Variants in WWOX observed in about 807,000 individuals in gnomAD.
WWOX encodes WW domain containing oxidoreductase.
A neutral mutation model predicts 46.2 loss-of-function variants in WWOX; 69 were observed. The ratio of observed to expected loss-of-function variants is 1.49; its 90% confidence interval spans 1.23 to 1.82. The LOEUF is 1.82. Ranked by LOEUF, WWOX falls within the 40% of genes most tolerant of loss-of-function variation. WWOX has a pLI of 0.00. For synonymous variants in WWOX, 359 were observed against 202.6 expected, an observed-to-expected ratio of 1.77 and a Z score of -6.56; for missense variants, 919 against 542.6, an observed-to-expected ratio of 1.69 and a Z score of -6.89.
chr16:79,042,159 G>A (rs1252445783), intron 8 of WWOX, among the ~76,000 whole-genome samples: 1 of 152,142 alleles, frequency 6.6e-6, no homozygotes, highest in African/African-American at 2.4e-5. Context: ...TTCACAGGTG[G>A]AGGCTCAGAT....
At chr16:79,107,652 T>TAGGCGACATGCACATTTTC (rs1283342029) in intron 8 of WWOX, among the ~76,000 whole-genome samples, 1 of 152,218 alleles carries the variant, frequency 6.6e-6, no homozygotes, top group Admixed American at 6.5e-5. Flanking sequence ...CCCTTCGTAA[T>TAGGCGACATGCACATTTTC]AGGCGACATG....
intron 8 of WWOX, among the ~76,000 whole-genome samples, chr16:79,152,031 T>G (rs778580280): frequency 6.6e-6 from 1 of 152,194 alleles, no homozygotes; most frequent in Non-Finnish European, 1.5e-5. Flanking sequence ...TAAGCAGAAG[T>G]TGGGAATCAT....
At chr16:78,187,561 C>G (rs2035750565) in intron 5 of WWOX, among the ~76,000 whole-genome samples, 1 of 152,176 alleles carries the variant, frequency 6.6e-6, no homozygotes, top group South Asian at 2.1e-4. Flanking sequence ...CGAGATCGCG[C>G]CACTGCACTC....
intron 8 of WWOX, among the ~76,000 whole-genome samples, chr16:78,826,188 C>G (rs2051651784): frequency 6.6e-6 from 1 of 152,190 alleles, no homozygotes; most frequent in African/African-American, 2.4e-5. Context: ...AACCCTGTCT[C>G]TACTAAAAAT....
intron 8 of WWOX, among the ~76,000 whole-genome samples, chr16:78,585,781 G>T (rs1293621997): frequency 6.6e-6 from 1 of 151,660 alleles, no homozygotes; most frequent in East Asian, 1.9e-4. Context: ...CCCCAAGGCA[G>T]GGGGCAGATT....
chr16:78,367,971 G>T (rs958012665), intron 5 of WWOX, among the ~76,000 whole-genome samples: 1 of 151,996 alleles, frequency 6.6e-6, no homozygotes, highest in African/African-American at 2.4e-5. Context: ...TGGTCAGGCT[G>T]GTGTCAAACT....
chr16:78,815,248 C>G (rs1005374948), intron 8 of WWOX, among the ~76,000 whole-genome samples: 3 of 151,836 alleles, frequency 2.0e-5, no homozygotes, highest in Non-Finnish European at 2.9e-5. Flanking sequence ...TTCCTTAAGC[C>G]TCGGAGATGG....
chr16:78,899,755 G>A (rs1200839591), intron 8 of WWOX: 1 of 152,142 alleles, frequency 6.6e-6, no homozygotes, highest in Non-Finnish European at 1.5e-5. Flanking sequence ...GATCCCTGAA[G>A]AATTGTGTGC....
At chr16:78,811,694 T>TACTA (rs1469241230) in intron 8 of WWOX, among the ~76,000 whole-genome samples, 1 of 151,986 alleles carries the variant, frequency 6.6e-6, no homozygotes, top group African/African-American at 2.4e-5. Flanking sequence ...CTTATAAGGC[T>TACTA]ACTAATCCCC....
intron 8 of WWOX, among the ~76,000 whole-genome samples, chr16:78,518,754 G>C (rs1386265613): frequency 1.3e-5 from 2 of 152,174 alleles, no homozygotes; most frequent in Non-Finnish European, 2.9e-5. Context: ...ACCAGAACAA[G>C]GCCAGCTTCC....
At chr16:78,373,364 C>G (rs951248026) in intron 5 of WWOX, among the ~76,000 whole-genome samples, 1 of 152,160 alleles carries the variant, frequency 6.6e-6, no homozygotes, top group African/African-American at 2.4e-5. Flanking sequence ...GTATTGTCCC[C>G]TAGGAACTTA....
intron 5 of WWOX, among the ~76,000 whole-genome samples, chr16:78,379,147 A>G (rs1381092641): frequency 6.6e-6 from 1 of 152,196 alleles, no homozygotes; most frequent in Non-Finnish European, 1.5e-5. Context: ...GAAAACAAGC[A>G]TGTCATCAGT....
chr16:78,436,108 C>T (rs1035339756), intron 8 of WWOX, among the ~76,000 whole-genome samples: 4 of 152,186 alleles, frequency 2.6e-5, no homozygotes, highest in African/African-American at 7.2e-5. Context: ...GTGCCTTTCG[C>T]ATGGGAGGTA....
intron 5 of WWOX, among the ~76,000 whole-genome samples, chr16:78,377,686 T>C (rs1187781840): frequency 6.6e-6 from 1 of 152,202 alleles, no homozygotes; most frequent in Admixed American, 6.5e-5. Flanking sequence ...GGTTTTGGAT[T>C]ATTTTCGCTC....
intron 5 of WWOX, among the ~76,000 whole-genome samples, chr16:78,213,558 A>G (rs2036626555): frequency 6.6e-6 from 1 of 151,902 alleles, no homozygotes. Context: ...TTTTAATGTG[A>G]CTGAGAAAAT....
rs187364215 is a variant in WWOX, at chr16:79,115,746, G to A, written c.1057-95862G>A. 4.9e-3 allele frequency among the ~76,000 whole-genome samples: 742 copies of A among 152,284 alleles called. 7 individuals carry two copies. Among genetic ancestry groups the A allele is most frequent in the African/African-American group, 0.017 (709 of 41,564 alleles). On this transcript the variant is annotated intron_variant, in intron 8 of 8. Transcript: ENST00000566780. ...AAACAGTGATAGGACTGACCTGCGT[G>A]TAGAAGTTTCAAGTTACAAGAAAAA...
chr16:78,218,599 G>A (rs529236223), intron 5 of WWOX, among the ~76,000 whole-genome samples: 17 of 152,190 alleles, frequency 1.1e-4, no homozygotes, highest in African/African-American at 3.9e-4. Flanking sequence ...AAAATGTCAC[G>A]ATAAAGCAGC....
At chr16:78,279,483 A>G (rs1028998920) in intron 5 of WWOX, among the ~76,000 whole-genome samples, 1 of 152,216 alleles carries the variant, frequency 6.6e-6, no homozygotes, top group African/African-American at 2.4e-5. Flanking sequence ...GAGGTTAATT[A>G]TTACCCTAAG....
intron 8 of WWOX, among the ~76,000 whole-genome samples, chr16:78,817,175 T>TTTA (rs2051355089): frequency 8.0e-6 from 1 of 124,610 alleles, no homozygotes; most frequent in Non-Finnish European, 1.7e-5. Flanking sequence ...TGCTATTCTT[T>TTTA]TTTTTTTTTT....
Sources: gnomAD v4.1 joint callset for allele counts (sites outside exome capture counted in the v4.1 genomes callset) on GRCh38, gnomAD v4.1.1 for gene constraint, MANE v1.5 for transcripts, NCBI Gene and HGNC (gene_info 2026-07-23, HGNC 2026-07-21) for gene names.